Variants in ACTN3 observed in about 807,000 individuals in gnomAD.
The protein encoded by ACTN3 is actinin alpha 3.
ACTN3 carries 91 observed loss-of-function variants against 119.6 expected under a neutral mutation model. The ratio of observed to expected loss-of-function variants is 0.76; its 90% CI spans 0.64 to 0.91. The LOEUF is 0.91. Ranked by LOEUF, ACTN3 falls within the 40% of genes least tolerant of loss-of-function variation. ACTN3 has a pLI of 0.00. For synonymous variants in ACTN3, 456 were observed against 478.8 expected, an observed-to-expected ratio of 0.95 and a Z score of 0.62; for missense variants, 1,221 against 1,215.1, an observed-to-expected ratio of 1.00 and a Z score of -0.07.
chr11:66,559,404 G>T lies in ACTN3; in HGVS notation c.1427+18G>T. On this transcript the variant is annotated intron_variant, in intron 12 of 20. Transcript: ENST00000513398. ...GAGCTCAAGTAGGCGGGGCCTCGCGGGGCCCGCCCCCAACACCCCCGGCCC... is the reference window on the plus strand; with the variant it reads ...GAGCTCAAGTAGGCGGGGCCTCGCGTGGCCCGCCCCCAACACCCCCGGCCC... 6.8e-7 allele frequency: 1 copy of T among 1,475,312 alleles called. No individual in the cohort carries two copies. Among genetic ancestry groups the T allele is most frequent in the Non-Finnish European group, 8.9e-7 (1 of 1,120,220 alleles). 91.4% of individuals were successfully genotyped at this position (1,475,312 alleles called of 1,614,324 possible). A position where few individuals can be genotyped will look rare whatever the true frequency, so the allele number is the denominator to read the frequency against.
chr11:66,561,712 G>T, intron 17 of ACTN3, 75 bp downstream of exon 17: 1 of 1,486,480 alleles, frequency 6.7e-7, no homozygotes, highest in Middle Eastern at 1.8e-4. Context: ...CAGCTGGACA[G>T]AGCATGTGTG....
intron 1 of ACTN3, chr11:66,550,960 T>C: frequency 1.8e-6 from 1 of 570,086 alleles, no homozygotes; most frequent in Non-Finnish European, 3.3e-6. Flanking sequence ...CCTCCAGTGT[T>C]TAAGACCCCC....
At chr11:66,556,281 C>T (rs937209379) in intron 8 of ACTN3, 51 bp downstream of exon 8, 1 of 1,579,360 alleles carries the variant, frequency 6.3e-7, no homozygotes, top group Non-Finnish European at 8.7e-7. Flanking sequence ...AAGGGCCCAA[C>T]CTTGGCTGTA....
At position 66,558,312 on chromosome 11, in the gene ACTN3, G is replaced by C. The variant is rs939795305; in HGVS notation, c.1276+138G>C. 2.4e-5 allele frequency: 31 copies of C among 1,291,802 alleles called. No individual in the cohort carries two copies. In the African/African-American group the frequency reaches 3.4e-4, roughly 14 times the overall value. The allele number at this position is 1,291,802 out of a possible 1,614,324, so 80.0% of individuals were successfully genotyped here. On this transcript the variant is annotated intron_variant, in intron 11 of 20. Coordinates refer to ENST00000513398, the MANE Select transcript of ACTN3 (RefSeq NM_001104.4). ...AGGAAAGCCAGAGACTGGATTTCTA[G>C]TCCCACCCTGACTTGCTGTGGTGCA...
chr11:66,552,164 G>T (rs939005183), intron 3 of ACTN3, among the ~76,000 whole-genome samples: 2 of 151,846 alleles, frequency 1.3e-5, no homozygotes, highest in Non-Finnish European at 2.9e-5. Flanking sequence ...GGGCTCACGA[G>T]GTCAGGAGAT....
Position 66,563,132 on chromosome 11 carries a change from C to T in ACTN3, c.2645C>T (p.Pro882Leu), listed in dbSNP as rs748740930. 54 of 1,613,218 alleles carry T rather than the reference C, an allele frequency of 3.3e-5. No homozygotes were observed. Among genetic ancestry groups the T allele is most frequent in the East Asian group, 6.7e-5 (3 of 44,870 alleles). The change falls in exon 21 of 21, where the codon CCG becomes CTG. Residue 882 changes from proline to leucine, a missense_variant. Pro to Leu is a moderately conservative substitution (Grantham distance 98, BLOSUM62 -3). Transcript: ENST00000513398. ...GTGCCCTACAAGGGATCCGGGGCCC[C>T]GGCTGGAGCCCTGGACTACGTGGCC... Reference protein sequence around the residue: ...RMVPYKGSGAPAGALDYVAFS... With the variant: ...RMVPYKGSGALAGALDYVAFS...
chr11:66,549,825 C>T (rs550911990), intron 1 of ACTN3, among the ~76,000 whole-genome samples: 1 of 151,254 alleles, frequency 6.6e-6, no homozygotes, highest in East Asian at 1.9e-4. Flanking sequence ...ATCTTAGACT[C>T]CAGGGTTGGA....
intron 1 of ACTN3, among the ~76,000 whole-genome samples, chr11:66,549,603 T>C (rs1251252419): frequency 6.6e-6 from 1 of 151,958 alleles, no homozygotes; most frequent in Non-Finnish European, 1.5e-5. Context: ...TGGCGACGCA[T>C]GCCTGTAATC....
chr11:66,558,102 C>T lies in ACTN3; in HGVS notation c.1204C>T (p.Arg402Cys), dbSNP rs746507012. 8.1e-6 allele frequency: 13 copies of T among 1,613,696 alleles called. No homozygotes were observed. The highest frequency in any genetic ancestry group is 2.7e-5 in the African/African-American group (2 of 74,932). Residue 402 changes from arginine to cysteine, a missense_variant, in exon 11 of 21, where the codon CGC (arginine) becomes TGC (cysteine). Around this residue, in one of 3 missense-constraint regions of ACTN3, gnomAD observed 934 missense variants for 899.9 expected, o/e 1.04. Coordinates refer to ENST00000513398, the MANE Select transcript of ACTN3 (RefSeq NM_001104.4). The part of the protein sequence containing the change: ...YEDWLLSEIR[R>C]LQRLQHLAEK... ...GGACTGGCTGCTCTCGGAGATCCGG[C>T]GCCTGCAGCGACTCCAGCACCTGGC...
Position 66,563,200 on chromosome 11 carries a change from C to A in ACTN3, c.*7C>A, listed in dbSNP as rs1375044685. 6.3e-7 allele frequency: 1 copy of A among 1,592,352 alleles called. No individual in the cohort carries two copies. Among genetic ancestry groups the A allele is most frequent in the African/African-American group, 1.3e-5 (1 of 74,478 alleles). ...TGGGGAGAGCGACCTTTGACCCCAA[C>A]CACTGAGGTTCTCTATGCAAGATGG... On this transcript the variant is annotated 3_prime_UTR_variant, in exon 21 of 21. Coordinates refer to ENST00000513398, the MANE Select transcript of ACTN3 (RefSeq NM_001104.4).
chr11:66,553,853 CAAAAAA>C (rs11448724), intron 3 of ACTN3, among the ~76,000 whole-genome samples, 186 bp from the exon 4 acceptor site: 7 of 81,776 alleles, frequency 8.6e-5, no homozygotes, highest in African/African-American at 2.8e-4. Context: ...GACTCCATCT[CAAAAAA>C]AAAAAAAAAA....
chr11:66,553,599 G>A (rs1330161958), intron 3 of ACTN3, among the ~76,000 whole-genome samples: 6 of 149,608 alleles, frequency 4.0e-5, no homozygotes, highest in Non-Finnish European at 7.4e-5. Flanking sequence ...GGCCAGACAC[G>A]GTGGCTCATG....
At chr11:66,559,867 C>T (rs1259949352) in intron 12 of ACTN3, 101 bp from the exon 13 acceptor site, 1 of 1,179,778 alleles carries the variant, frequency 8.5e-7, no homozygotes, top group Non-Finnish European at 1.2e-6. Flanking sequence ...GGCTCCCGCA[C>T]GCCTTCACCC....
chr11:66,546,890 G>A, upstream of ACTN3: 1 of 1,518,038 alleles, frequency 6.6e-7, no homozygotes, highest in Non-Finnish European at 8.8e-7. Context: ...ATGGGGCCCG[G>A]GTGTCCGAGA....
At position 66,555,203 on chromosome 11, in the gene ACTN3, C is replaced by G. The variant is rs1208449597; in HGVS notation, c.631C>G (p.Arg211Gly). The change falls in exon 6 of 21, where the codon CGA (arginine) becomes GGA (glycine). Residue 211 changes from arginine (R) to glycine (G), a missense_variant. By Grantham distance (125) the Arg-to-Gly change is moderately radical (BLOSUM62 -2). Transcript: ENST00000513398. ...TGACCTCATCGACTACGCCAAACTG[C>G]GAAAGGTAGAGGCCCCCACCACCCC... The part of the protein sequence containing the change: ...RPDLIDYAKL[R>G]KDDPIGNLNT... 5.6e-6 allele frequency: 9 copies of G among 1,613,836 alleles called. No homozygotes were observed. Among genetic ancestry groups the G allele is most frequent in the Non-Finnish European group, 7.6e-6 (9 of 1,179,948 alleles).
rs755526010 is a variant in ACTN3 at position 66,547,089 on chromosome 11, G to A, written c.147+5G>A. 6.7e-7 allele frequency: 1 copy of A among 1,499,798 alleles called. No homozygotes were observed. The highest frequency in any genetic ancestry group is 2.4e-5 in the Admixed American group (1 of 42,086). 92.9% of individuals were successfully genotyped at this position (1,499,798 alleles called of 1,614,324 possible). A position where few individuals can be genotyped will look rare whatever the true frequency, so the allele number is the denominator to read the frequency against. On this transcript the variant is annotated splice_donor_5th_base_variant and intron_variant, in intron 1 of 20. Transcript: ENST00000513398. Reference sequence around the variant, plus strand: ...TGGGAGAAGCAGCAGCGGAAAGTGAGTGCTCGCCCATTTCCTGACAGCAAA... The same window carrying A: ...TGGGAGAAGCAGCAGCGGAAAGTGAATGCTCGCCCATTTCCTGACAGCAAA...
chr11:66,560,796 TACTGTGACCACCCTGAA>T, intron 15 of ACTN3, 41 bp downstream of exon 15: 1 of 1,564,060 alleles, frequency 6.4e-7, no homozygotes, highest in Non-Finnish European at 8.7e-7. Flanking sequence ...CCCTCCTGCA[TACTGTGACCACCCTGAA>T]ATCTCGGGTG....
chr11:66,553,450 G>A (rs1410888632), intron 3 of ACTN3, among the ~76,000 whole-genome samples: 1 of 152,032 alleles, frequency 6.6e-6, no homozygotes, highest in African/African-American at 2.4e-5. Flanking sequence ...CGCTATTAGG[G>A]AGGCTGAGGA....
At position 66,562,282 on chromosome 11, in the gene ACTN3, A is replaced by T; in HGVS notation, c.2348A>T (p.Asp783Val). 1.9e-6 allele frequency: 3 copies of T among 1,613,558 alleles called. No individual in the cohort carries two copies. Among genetic ancestry groups the T allele is most frequent in the Non-Finnish European group, 2.5e-6 (3 of 1,179,856 alleles). Residue 783 changes from aspartate (D) to valine (V), a missense_variant, in exon 19 of 21, where the codon GAT becomes GTT. By Grantham distance (152) the Asp-to-Val change is radical (BLOSUM62 -3). Around this residue, in one of 3 missense-constraint regions of ACTN3, gnomAD observed 934 missense variants for 899.9 expected, o/e 1.04. Coordinates refer to ENST00000513398, the MANE Select transcript of ACTN3 (RefSeq NM_001104.4). Reference protein sequence around the residue: ...DRKQNGMMEPDDFRACLISMG... With the variant: ...DRKQNGMMEPVDFRACLISMG... The stretch of plus-strand genomic sequence containing the variant: ...AAGCAGAATGGGATGATGGAGCCTG[A>T]TGACTTCCGAGCTTGCCTCATCTCC...
Sources: allele counts gnomAD v4.1 joint callset (sites outside exome capture counted in the v4.1 genomes callset), GRCh38; gene constraint gnomAD v4.1.1; regional missense constraint gnomAD v4.1.1; transcripts MANE v1.5; gene names NCBI Gene and HGNC (gene_info 2026-07-23, HGNC 2026-07-21).